Variants in ADGRL3 observed in about 807,000 individuals in gnomAD.
ADGRL3 encodes the protein calcium-independent alpha-latrotoxin receptor 3.
Under a neutral mutation model 153.5 loss-of-function variants are expected in ADGRL3, and 62 were observed. That is an observed-to-expected ratio of 0.40 (90% CI 0.33 to 0.50). ADGRL3 has a LOEUF of 0.50. Ranked by LOEUF, ADGRL3 falls within the 20% of genes least tolerant of loss-of-function variation. The pLI is 0.47. For synonymous variants in ADGRL3, 710 were observed against 672.5 expected, an observed-to-expected ratio of 1.06 and a Z score of -0.86; for missense variants, 1,641 against 1,859.4, an observed-to-expected ratio of 0.88 and a Z score of 2.16.
chr4:61,782,903 A>T (rs2097230801), intron 8 of ADGRL3, among the ~76,000 whole-genome samples: 1 of 152,130 alleles, frequency 6.6e-6, no homozygotes, highest in East Asian at 1.9e-4. Context: ...GCACTGGGAA[A>T]TCCATAATTG....
At chr4:61,595,307 A>G (rs906529086) in intron 5 of ADGRL3, among the ~76,000 whole-genome samples, 1 of 152,182 alleles carries the variant, frequency 6.6e-6, no homozygotes, top group Non-Finnish European at 1.5e-5. Context: ...TCAGAGCCCA[A>G]GGCCCATTGC....
chr4:61,415,182 A>G (rs2097132143), intron 2 of ADGRL3, among the ~76,000 whole-genome samples: 1 of 151,948 alleles, frequency 6.6e-6, no homozygotes, highest in South Asian at 2.1e-4. Flanking sequence ...GCCTATTTCT[A>G]TTATAATATC....
At chr4:61,355,787 G>T (rs1304623579) in intron 1 of ADGRL3, among the ~76,000 whole-genome samples, 1 of 151,990 alleles carries the variant, frequency 6.6e-6, no homozygotes, top group Non-Finnish European at 1.5e-5. Flanking sequence ...CAGAATAAAA[G>T]AAATGGCAGT....
chr4:61,430,181 T>A (rs542376635), intron 2 of ADGRL3, among the ~76,000 whole-genome samples: 39 of 152,252 alleles, frequency 2.6e-4, no homozygotes, highest in African/African-American at 9.1e-4. Flanking sequence ...CTTTATAAAT[T>A]AATAGAAAAA....
chr4:61,711,264 A>C (rs1038825850), intron 6 of ADGRL3, among the ~76,000 whole-genome samples: 1 of 151,594 alleles, frequency 6.6e-6, no homozygotes, highest in African/African-American at 2.4e-5. Context: ...GCCTATTACT[A>C]TTTTCACAGG....
At chr4:61,383,604 A>G (rs962422138) in intron 2 of ADGRL3, among the ~76,000 whole-genome samples, 1 of 151,812 alleles carries the variant, frequency 6.6e-6, no homozygotes, top group Admixed American at 6.6e-5. Context: ...ACAATGTGTT[A>G]AAGTCATTTT....
At chr4:61,678,483 C>T (rs1324986366) in intron 6 of ADGRL3, among the ~76,000 whole-genome samples, 7 of 151,818 alleles carry the variant, frequency 4.6e-5, no homozygotes, top group Non-Finnish European at 1.0e-4. Context: ...CTTCAAAATC[C>T]TCTGCCAAAC....
chr4:61,917,224 G>A (rs2098749022), intron 13 of ADGRL3, among the ~76,000 whole-genome samples: 1 of 152,108 alleles, frequency 6.6e-6, no homozygotes, highest in Non-Finnish European at 1.5e-5. Context: ...CTGAGATACT[G>A]TTACTTGCAG....
At chr4:61,597,235 C>T (rs1364166607) in intron 5 of ADGRL3, among the ~76,000 whole-genome samples, 1 of 151,546 alleles carries the variant, frequency 6.6e-6, no homozygotes, top group Non-Finnish European at 1.5e-5. Flanking sequence ...GAATATAAGT[C>T]TACAGGAATG....
intron 2 of ADGRL3, among the ~76,000 whole-genome samples, chr4:61,495,566 G>T (rs995022592): frequency 2.0e-5 from 3 of 151,990 alleles, no homozygotes; most frequent in Non-Finnish European, 4.4e-5. Context: ...CCCAATTTGT[G>T]CTTGATTGAT....
chr4:61,738,171 G>A (rs567055684), intron 8 of ADGRL3, among the ~76,000 whole-genome samples: 1 of 152,056 alleles, frequency 6.6e-6, no homozygotes, highest in African/African-American at 2.4e-5. Context: ...GAGAACATAC[G>A]ATGTTTTCCA....
intron 1 of ADGRL3, among the ~76,000 whole-genome samples, chr4:61,363,667 T>C (rs1299342790): frequency 6.6e-6 from 1 of 152,178 alleles, no homozygotes; most frequent in Non-Finnish European, 1.5e-5. Context: ...AGGATGTACA[T>C]ATGAAACATC....
chr4:62,023,444 TGA>T (rs1461225974), intron 21 of ADGRL3, among the ~76,000 whole-genome samples: 1 of 152,184 alleles, frequency 6.6e-6, no homozygotes, highest in Non-Finnish European at 1.5e-5. Flanking sequence ...CAACAAGGTT[TGA>T]GAGGATTGAC....
chr4:61,923,838 C>T (rs749188099), intron 13 of ADGRL3, among the ~76,000 whole-genome samples: 12 of 152,050 alleles, frequency 7.9e-5, no homozygotes, highest in African/African-American at 1.2e-4. Flanking sequence ...AAGCTGCTTG[C>T]GAAGGAACAG....
At chr4:61,532,551 C>CGTGTGTGTGT (rs10652642) in intron 4 of ADGRL3, among the ~76,000 whole-genome samples, 131 of 130,242 alleles carry the variant, frequency 1.0e-3, no homozygotes, top group African/African-American at 3.0e-3. Flanking sequence ...CGCGCGCGCG[C>CGTGTGTGTGT]GCGCGTGTGT....
intron 2 of ADGRL3, among the ~76,000 whole-genome samples, chr4:61,401,782 A>G (rs1174733102): frequency 6.6e-6 from 1 of 152,114 alleles, no homozygotes; most frequent in Non-Finnish European, 1.5e-5. Context: ...CAAACCAGAT[A>G]TGTAGATTCA....
At chr4:61,392,468 A>G (rs951987203) in intron 2 of ADGRL3, among the ~76,000 whole-genome samples, 5 of 151,394 alleles carry the variant, frequency 3.3e-5, no homozygotes, top group African/African-American at 1.2e-4. Context: ...AAGGCAGATC[A>G]CGAGGTCAGG....
Position 61,810,915 on chromosome 4 carries a change from C to A in ADGRL3, c.1400-2894C>A, listed in dbSNP as rs183801672. Among the ~76,000 whole-genome samples the A allele has an allele frequency of 1.4e-3, 206 of 152,170 alleles. 1 individual carries two copies. Among genetic ancestry groups the A allele is most frequent in the African/African-American group, 4.7e-3 (195 of 41,540 alleles). Reference sequence around the variant, plus strand: ...TTCCTTTCCCAGATTTTATAGTCATCATAATATTAATCATTTCAAAATCTG... The same window carrying A: ...TTCCTTTCCCAGATTTTATAGTCATAATAATATTAATCATTTCAAAATCTG... On this transcript the variant is annotated intron_variant, in intron 8 of 26. Coordinates refer to ENST00000683033, the MANE Select transcript of ADGRL3 (RefSeq NM_001387552.1).
intron 1 of ADGRL3, among the ~76,000 whole-genome samples, chr4:61,267,219 G>T (rs1452372926): frequency 6.6e-6 from 1 of 151,616 alleles, no homozygotes; most frequent in Non-Finnish European, 1.5e-5. Context: ...GTAATGAATT[G>T]CCAGAATGTG....
Sources: gnomAD v4.1 joint callset for allele counts (sites outside exome capture counted in the v4.1 genomes callset) on GRCh38, gnomAD v4.1.1 for gene constraint, MANE v1.5 for transcripts, NCBI Gene and HGNC (gene_info 2026-07-23, HGNC 2026-07-21) for gene names.